Variants in NRIP1 observed in about 807,000 individuals in gnomAD.
The protein encoded by NRIP1 is nuclear receptor-interacting protein 1.
In NRIP1, 28 loss-of-function variants were observed where a neutral mutation model predicts 75.0. That is an observed-to-expected ratio of 0.37 (90% CI 0.28 to 0.51). NRIP1 has a LOEUF of 0.51. Among genes scored for constraint, NRIP1 ranks in the 20% least tolerant of loss-of-function variants. NRIP1 has a pLI of 0.92. For missense variants in NRIP1, 1,435 were observed against 1,343.7 expected (o/e 1.07, Z -1.06); for synonymous variants, 526 against 487.6 (o/e 1.08, Z -1.04).
chr21:15,031,317 A>G (rs71315802), intron 2 of NRIP1, among the ~76,000 whole-genome samples: 14 of 141,082 alleles, frequency 9.9e-5, no homozygotes, highest in East Asian at 2.6e-4. Flanking sequence ...TTCCCTTTCT[A>G]TGTGTATACA....
chr21:15,013,977 C>T (rs1268862049), intron 3 of NRIP1, among the ~76,000 whole-genome samples: 1 of 152,076 alleles, frequency 6.6e-6, no homozygotes, highest in Non-Finnish European at 1.5e-5. Flanking sequence ...TTTGATAAAT[C>T]GAATTAAGTG....
At chr21:15,010,410 T>A (rs1441774776) in intron 3 of NRIP1, among the ~76,000 whole-genome samples, 1 of 151,484 alleles carries the variant, frequency 6.6e-6, no homozygotes, top group East Asian at 1.9e-4. Context: ...CCTGAGTTGA[T>A]ATGGAGGCTT....
intron 1 of NRIP1, chr21:15,050,760 C>A (rs1380898945): frequency 2.2e-6 from 1 of 456,056 alleles, no homozygotes; most frequent in African/African-American, 2.0e-5. Flanking sequence ...CCTCTAGGGG[C>A]CAGCCAACGC....
intron 2 of NRIP1, among the ~76,000 whole-genome samples, 164 bp downstream of exon 2, chr21:15,043,331 C>T (rs2088999391): frequency 6.6e-6 from 1 of 151,986 alleles, no homozygotes; most frequent in African/African-American, 2.4e-5. Flanking sequence ...TTTGATTTAC[C>T]AAAATTGAAA....
At chr21:15,009,688 A>C (rs2088056066) in intron 3 of NRIP1, among the ~76,000 whole-genome samples, 1 of 152,260 alleles carries the variant, frequency 6.6e-6, no homozygotes, top group Admixed American at 6.5e-5. Context: ...AGAAACTTTA[A>C]GTAATCACCT....
At chr21:15,029,321 C>T (rs1347384389) in intron 2 of NRIP1, among the ~76,000 whole-genome samples, 3 of 152,036 alleles carry the variant, frequency 2.0e-5, no homozygotes, top group African/African-American at 4.8e-5. Flanking sequence ...ACAGGAACTT[C>T]GACTGGAATA....
chr21:15,043,807 C>T (rs1016699982), intron 1 of NRIP1, among the ~76,000 whole-genome samples: 30 of 151,786 alleles, frequency 2.0e-4, no homozygotes, highest in African/African-American at 6.8e-4. Flanking sequence ...AAATACACTA[C>T]CCAATTGTTT....
intron 3 of NRIP1, among the ~76,000 whole-genome samples, chr21:14,969,641 G>A (rs1220965383): frequency 6.6e-6 from 1 of 152,288 alleles, no homozygotes; most frequent in East Asian, 1.9e-4. Flanking sequence ...TTTTGTTTAA[G>A]TTATCAGACC....
At chr21:14,999,694 G>A (rs1299773749) in intron 3 of NRIP1, among the ~76,000 whole-genome samples, 1 of 152,108 alleles carries the variant, frequency 6.6e-6, no homozygotes, top group Admixed American at 6.5e-5. Flanking sequence ...TAATTCCTAA[G>A]GTTCCTACTG....
intron 3 of NRIP1, among the ~76,000 whole-genome samples, chr21:14,993,640 C>T (rs965187255): frequency 3.3e-5 from 5 of 151,860 alleles, no homozygotes; most frequent in Admixed American, 6.6e-5. Flanking sequence ...AAAAAAATAG[C>T]TGGGTGTGGT....
At chr21:14,997,669 C>T (rs2087762684) in intron 3 of NRIP1, among the ~76,000 whole-genome samples, 1 of 149,844 alleles carries the variant, frequency 6.7e-6, no homozygotes, top group Admixed American at 6.7e-5. Flanking sequence ...TTATATATAT[C>T]ATTTATATTA....
rs768295215 is a variant in NRIP1, at chr21:14,966,146, C to G, written c.2047G>C (p.Glu683Gln). 5 of 1,612,972 alleles carry G rather than the reference C, an allele frequency of 3.1e-6. No homozygotes were observed. The highest frequency in any genetic ancestry group is 3.4e-6 in the Non-Finnish European group (4 of 1,179,914). The change falls in exon 4 of 4, where the codon GAA (glutamate) becomes CAA (glutamine). Residue 683 changes from glutamate (E) to glutamine (Q), a missense_variant. Physicochemically the swap from Glu to Gln is conservative, Grantham distance 29. Transcript: ENST00000318948. ...GGTTGACTACTAAATGCTTTATTTT[C>G]TTCAACTGCATTTGTTTTATTTGAG... is the stretch of plus-strand genomic sequence containing the variant. Reference protein sequence around the residue: ...LLSNKTNAVEENKAFSSQPTG... With the variant: ...LLSNKTNAVEQNKAFSSQPTG...
chr21:15,035,302 T>G (rs554128503), intron 2 of NRIP1, among the ~76,000 whole-genome samples: 8 of 152,216 alleles, frequency 5.3e-5, no homozygotes, highest in Non-Finnish European at 8.8e-5. Flanking sequence ...AAATGTTTTC[T>G]TTTAAAATAC....
intron 1 of NRIP1, among the ~76,000 whole-genome samples, chr21:15,044,533 G>T (rs2089029526): frequency 6.6e-6 from 1 of 151,948 alleles, no homozygotes; most frequent in Non-Finnish European, 1.5e-5. Context: ...TACCACCATA[G>T]CAGCATTCCA....
At chr21:15,042,684 C>T (rs2088984630) in intron 2 of NRIP1, among the ~76,000 whole-genome samples, 1 of 152,238 alleles carries the variant, frequency 6.6e-6, no homozygotes. Flanking sequence ...CTATGAGGAA[C>T]AGGCCCTTAC....
At chr21:14,986,364 C>T (rs370168679) in intron 3 of NRIP1, among the ~76,000 whole-genome samples, 44 of 152,350 alleles carry the variant, frequency 2.9e-4, no homozygotes, top group African/African-American at 9.1e-4. Flanking sequence ...GTCTTGAATA[C>T]TGATGCAAGA....
In NRIP1 at chr21:14,966,565, G is replaced by A; in HGVS notation, c.1628C>T (p.Pro543Leu). Residue 543 changes from proline to leucine, a missense_variant, in exon 4 of 4, where the codon CCC becomes CTC. Pro to Leu is a moderately conservative substitution (Grantham distance 98, BLOSUM62 -3). Transcript: ENST00000318948. ...NYARTSVIESPSTNRTTPVST... is the reference protein window; with the variant it reads ...NYARTSVIESLSTNRTTPVST... Reference sequence around the variant, plus strand: ...CACTGGAGTAGTCCGATTTGTACTGGGGCTTTCTATCACAGAAGTCCTTGC... The same window carrying A: ...CACTGGAGTAGTCCGATTTGTACTGAGGCTTTCTATCACAGAAGTCCTTGC... 1 of 1,614,066 alleles carries A rather than the reference G, an allele frequency of 6.2e-7. No homozygotes were observed. The highest frequency in any genetic ancestry group is 8.5e-7 in the Non-Finnish European group (1 of 1,179,992).
intron 2 of NRIP1, among the ~76,000 whole-genome samples, chr21:15,015,263 G>A (rs181770018): frequency 7.2e-4 from 110 of 152,216 alleles, no homozygotes; most frequent in African/African-American, 2.4e-3. Flanking sequence ...GGTTGCCTGG[G>A]GATGAAGGAT....
intron 2 of NRIP1, among the ~76,000 whole-genome samples, chr21:15,031,339 G>A (rs1057153448): frequency 6.2e-5 from 9 of 145,086 alleles, no homozygotes; most frequent in Admixed American, 3.4e-4. Flanking sequence ...TCTGGAAGGC[G>A]CTCGGAGGAT....
Sources: allele counts gnomAD v4.1 joint callset (sites outside exome capture counted in the v4.1 genomes callset), GRCh38; gene constraint gnomAD v4.1.1; transcripts MANE v1.5; gene names NCBI Gene and HGNC (gene_info 2026-07-23, HGNC 2026-07-21).